The following SLC15A1 variants were observed in gnomAD, a reference collection of about 807,000 sequenced individuals.
SLC15A1 encodes the protein Caco-2 oligopeptide transporter.
Under a neutral mutation model 92.9 loss-of-function variants are expected in SLC15A1, and 83 were observed. The observed-to-expected ratio is 0.89, with a 90% confidence interval of 0.75 to 1.07. The LOEUF is 1.07. Ranked by LOEUF, SLC15A1 falls within the 50% of genes least tolerant of loss-of-function variation. The pLI is 0.00. For missense variants in SLC15A1, 857 were observed against 880.1 expected (o/e 0.97, Z 0.33); for synonymous variants, 322 against 318.2 (o/e 1.01, Z -0.13).
At chr13:98,705,622 T>C (rs914825827) in intron 16 of SLC15A1, among the ~76,000 whole-genome samples, 2 of 152,188 alleles carry the variant, frequency 1.3e-5, no homozygotes, top group African/African-American at 4.8e-5. Context: ...CTGGGTATGG[T>C]GGCTCACACC....
intron 4 of SLC15A1, among the ~76,000 whole-genome samples, chr13:98,724,346 A>C (rs2088282436): frequency 6.6e-6 from 1 of 152,260 alleles, no homozygotes; most frequent in African/African-American, 2.4e-5. Flanking sequence ...TCAACAAAAA[A>C]ATAAAAAATT....
chr13:98,722,221 T>A (rs948149219), intron 5 of SLC15A1, among the ~76,000 whole-genome samples: 2 of 152,206 alleles, frequency 1.3e-5, no homozygotes, highest in African/African-American at 4.8e-5. Context: ...ATAAATGAAA[T>A]GTTATTGAAC....
At chr13:98,713,499 T>C (rs1412258904) in intron 9 of SLC15A1, among the ~76,000 whole-genome samples, 1 of 152,220 alleles carries the variant, frequency 6.6e-6, no homozygotes, top group Admixed American at 6.5e-5. Context: ...AACTGAACTA[T>C]TAGTTTTTAA....
At chr13:98,733,292 C>T (rs2088364583) in intron 1 of SLC15A1, among the ~76,000 whole-genome samples, 1 of 152,218 alleles carries the variant, frequency 6.6e-6, no homozygotes, top group Non-Finnish European at 1.5e-5. Flanking sequence ...GAAACTAATA[C>T]ACATAGGTTT....
At position 98,712,829 on chromosome 13, in the gene SLC15A1, C is replaced by T. The variant is rs1026827889; in HGVS notation, c.724-245G>A. Among the ~76,000 whole-genome samples, 19 of 152,144 alleles carry T rather than the reference C, an allele frequency of 1.2e-4. 1 individual carries two copies. The highest frequency in any genetic ancestry group is 5.2e-4 in the Admixed American group (8 of 15,260). On this transcript the variant is annotated intron_variant, in intron 9 of 22. Coordinates refer to ENST00000376503, the MANE Select transcript of SLC15A1 (RefSeq NM_005073.4). ...ACTCTCCAGATCCTCTAGAGAAGCACGCCCAATAGAAATACAACACGTGTT... is the reference window on the plus strand; with the variant it reads ...ACTCTCCAGATCCTCTAGAGAAGCATGCCCAATAGAAATACAACACGTGTT...
intron 11 of SLC15A1, among the ~76,000 whole-genome samples, chr13:98,711,263 T>C (rs1658084873): frequency 6.6e-6 from 1 of 152,234 alleles, no homozygotes; most frequent in African/African-American, 2.4e-5. Flanking sequence ...TTCCAATTGC[T>C]TTGGTTACTG....
chr13:98,727,713 ACCT>A (rs780020853), intron 1 of SLC15A1, among the ~76,000 whole-genome samples: 1 of 151,918 alleles, frequency 6.6e-6, no homozygotes, highest in Non-Finnish European at 1.5e-5. Context: ...TAGTCTTTAC[ACCT>A]CCTCACTCTG....
At chr13:98,746,062 T>C (rs1566461438) in intron 1 of SLC15A1, among the ~76,000 whole-genome samples, 2 of 152,152 alleles carry the variant, frequency 1.3e-5, no homozygotes, top group African/African-American at 2.4e-5. Context: ...CAGTATGTGT[T>C]GTTCCCCTCT....
chr13:98,721,114 C>T (rs2139591535), intron 7 of SLC15A1: 1 of 488,824 alleles, frequency 2.0e-6, no homozygotes, highest in South Asian at 1.5e-5. Context: ...TCCTAAGTCA[C>T]AGAAATATCA....
rs763599840 is a variant in SLC15A1, at chr13:98,688,452, T to C, written c.1574+18A>G. On this transcript the variant is annotated intron_variant, in intron 19 of 22. Coordinates refer to ENST00000376503, the MANE Select transcript of SLC15A1 (RefSeq NM_005073.4). ...AATTCTTGAACCTTTGAGTGAAGCA[T>C]TCAGTCTCGGTACTTACATGCCAGA... The C allele has an allele frequency of 6.2e-7, 1 of 1,610,356 alleles. No homozygotes were observed. Among genetic ancestry groups the C allele is most frequent in the Admixed American group, 1.7e-5 (1 of 59,962 alleles).
At position 98,687,500 on chromosome 13, in the gene SLC15A1, C is replaced by A. The variant is rs956455058; in HGVS notation, c.1827+81G>T. 61 of 1,496,316 alleles carry A rather than the reference C, an allele frequency of 4.1e-5. No homozygotes were observed. In the African/African-American group the frequency reaches 7.9e-4, roughly 19 times the overall value. 92.7% of individuals were successfully genotyped at this position (1,496,316 alleles called of 1,614,324 possible). A position where few individuals can be genotyped will look rare whatever the true frequency, so the allele number is the denominator to read the frequency against. On this transcript the variant is annotated intron_variant, in intron 21 of 22. Coordinates refer to ENST00000376503, the MANE Select transcript of SLC15A1 (RefSeq NM_005073.4). Reference sequence around the variant, plus strand: ...AGACTTTTTAAAAAATATAGTTATCCCAGATTTAAATTAAGTCCCATCAGC... The same window carrying A: ...AGACTTTTTAAAAAATATAGTTATCACAGATTTAAATTAAGTCCCATCAGC...
chr13:98,714,653 CAAAAAA>C (rs11378347), intron 9 of SLC15A1, among the ~76,000 whole-genome samples: 12 of 94,382 alleles, frequency 1.3e-4, no homozygotes, highest in Non-Finnish European at 1.8e-4. Flanking sequence ...GACTCCATCT[CAAAAAA>C]AAAAAAAAAA....
At chr13:98,727,193 C>A (rs933425127) in intron 1 of SLC15A1, among the ~76,000 whole-genome samples, 5 of 152,168 alleles carry the variant, frequency 3.3e-5, no homozygotes, top group Non-Finnish European at 7.3e-5. Context: ...GCATGTTCTT[C>A]AATATCTGAC....
intron 18 of SLC15A1, among the ~76,000 whole-genome samples, chr13:98,689,077 C>T (rs1225384355): frequency 6.6e-6 from 1 of 152,156 alleles, no homozygotes; most frequent in East Asian, 1.9e-4. Flanking sequence ...GTAGTTGGGA[C>T]TACAGGCATG....
At position 98,687,700 on chromosome 13, in the gene SLC15A1, C is replaced by A. The variant is rs759321801; in HGVS notation, c.1708G>T (p.Val570Leu). 1.1e-5 allele frequency: 17 copies of A among 1,613,848 alleles called. No individual in the cohort carries two copies. Among genetic ancestry groups the A allele is most frequent in the Non-Finnish European group, 1.4e-5 (17 of 1,179,998 alleles). ...RKNDSCPEVK[V>L]FEDISANTVN... ...GTGTTGGCTGAAATATCTTCAAACA[C>A]CTTCACTTCAGGGCAGCTGTCATTC... Residue 570 changes from valine (V) to leucine (L), a missense_variant, in exon 21 of 23, where the codon GTG (valine) becomes TTG (leucine). Physicochemically the swap from Val to Leu is conservative, Grantham distance 32. Coordinates refer to ENST00000376503, the MANE Select transcript of SLC15A1 (RefSeq NM_005073.4).
chr13:98,752,497 G>A lies in SLC15A1; in HGVS notation c.4+98C>T, dbSNP rs1032325628. On this transcript the variant is annotated intron_variant, in intron 1 of 22. Coordinates refer to ENST00000376503, the MANE Select transcript of SLC15A1 (RefSeq NM_005073.4). Reference sequence around the variant, plus strand: ...CCTTCGGGTCGCCCCGCTTCCCGCCGCCGCGTACCCTTCGCGCCTCCCGGC... The same window carrying A: ...CCTTCGGGTCGCCCCGCTTCCCGCCACCGCGTACCCTTCGCGCCTCCCGGC... 1.7e-5 allele frequency: 19 copies of A among 1,141,234 alleles called. No individual in the cohort carries two copies. In the African/African-American group the frequency reaches 2.9e-4, roughly 17 times the overall value. The allele number at this position is 1,141,234 out of a possible 1,614,324, so 70.7% of individuals were successfully genotyped here.
chr13:98,739,182 A>C (rs1214137086), intron 1 of SLC15A1, among the ~76,000 whole-genome samples: 1 of 152,148 alleles, frequency 6.6e-6, no homozygotes, highest in Non-Finnish European at 1.5e-5. Flanking sequence ...TGTATCTTAG[A>C]GTAACTTGTT....
At chr13:98,686,411 AG>A (rs2139558382) in intron 21 of SLC15A1, 114 bp from the exon 22 acceptor site, 1 of 705,276 alleles carries the variant, frequency 1.4e-6, no homozygotes, top group African/African-American at 1.7e-5. Flanking sequence ...GCACACGAAA[AG>A]TCAGGTGGCC....
At position 98,687,580 on chromosome 13, in the gene SLC15A1, C is replaced by G; in HGVS notation, c.1827+1G>C. On this transcript the variant is annotated splice_donor_variant, in intron 21 of 22. Transcript: ENST00000376503. LOFTEE classifies it high-confidence loss of function. ...GGTGGTAAATACAACAAACAAGAAA[C>G]CTGAGAATATGAGAATTCCAATCCC... The G allele has an allele frequency of 6.2e-7, 1 of 1,613,770 alleles. No homozygotes were observed. The highest frequency in any genetic ancestry group is 8.5e-7 in the Non-Finnish European group (1 of 1,179,868).
Sources: gnomAD v4.1 joint callset for allele counts (sites outside exome capture counted in the v4.1 genomes callset) on GRCh38, gnomAD v4.1.1 for gene constraint, MANE v1.5 for transcripts, NCBI Gene and HGNC (gene_info 2026-07-23, HGNC 2026-07-21) for gene names.